Variants in SLC47A1 observed in about 807,000 individuals in gnomAD.
SLC47A1 encodes multidrug and toxin extrusion protein 1.
Under a neutral mutation model 65.8 loss-of-function variants are expected in SLC47A1, and 58 were observed. The ratio of observed to expected loss-of-function variants is 0.88; its 90% CI spans 0.71 to 1.10. The LOEUF is 1.10. Ranked by LOEUF, SLC47A1 falls within the 50% of genes least tolerant of loss-of-function variation. The pLI is 0.00. For synonymous variants in SLC47A1, 285 were observed against 295.0 expected, an observed-to-expected ratio of 0.97 and a Z score of 0.35; for missense variants, 706 against 719.2, an observed-to-expected ratio of 0.98 and a Z score of 0.21.
chr17:19,572,717 G>A, intron 15 of SLC47A1, 63 bp from the exon 16 acceptor site: 1 of 1,477,584 alleles, frequency 6.8e-7, no homozygotes, highest in Non-Finnish European at 9.5e-7. Context: ...TAAACTAGGT[G>A]GTCAAGTAAA....
intron 5 of SLC47A1, 34 bp from the exon 6 acceptor site, chr17:19,551,390 A>G (rs1283284047): frequency 3.2e-6 from 5 of 1,573,480 alleles, no homozygotes; most frequent in Non-Finnish European, 4.4e-6. Flanking sequence ...GCAAGGCTGA[A>G]ACATTAACAT....
At chr17:19,541,757 T>G (rs1597493792) in intron 1 of SLC47A1, among the ~76,000 whole-genome samples, 1 of 152,186 alleles carries the variant, frequency 6.6e-6, no homozygotes, top group South Asian at 2.1e-4. Flanking sequence ...AACAAGGGGG[T>G]TATCCCAGAA....
At chr17:19,559,885 C>G (rs932561899) in intron 10 of SLC47A1, among the ~76,000 whole-genome samples, 13 of 152,020 alleles carry the variant, frequency 8.6e-5, no homozygotes, top group Non-Finnish European at 1.6e-4. Context: ...AACCTGGGCT[C>G]CTGGTGAGTC....
At chr17:19,565,417 C>T (rs1055101883) in intron 12 of SLC47A1, among the ~76,000 whole-genome samples, 3 of 151,998 alleles carry the variant, frequency 2.0e-5, no homozygotes, top group Non-Finnish European at 4.4e-5. Flanking sequence ...GCCACTGTGC[C>T]CAGCCAAACT....
At chr17:19,539,178 T>C (rs898250019) in intron 1 of SLC47A1, among the ~76,000 whole-genome samples, 3 of 152,232 alleles carry the variant, frequency 2.0e-5, no homozygotes, top group Admixed American at 2.0e-4. Context: ...CCCCAAGTGC[T>C]GCGATTGCAG....
intron 12 of SLC47A1, among the ~76,000 whole-genome samples, chr17:19,564,128 G>T (rs1004994513): frequency 6.6e-6 from 1 of 152,174 alleles, no homozygotes; most frequent in Non-Finnish European, 1.5e-5. Flanking sequence ...TGAGGCAAAA[G>T]GATCACTTGA....
intron 1 of SLC47A1, among the ~76,000 whole-genome samples, chr17:19,536,023 GT>G: frequency 6.6e-6 from 1 of 152,130 alleles, no homozygotes; most frequent in East Asian, 1.9e-4. Flanking sequence ...CTGGAGTGCA[GT>G]GGTGTGATCA....
At chr17:19,575,131 T>A (rs1404248051) in intron 16 of SLC47A1, among the ~76,000 whole-genome samples, 4 of 140,986 alleles carry the variant, frequency 2.8e-5, no homozygotes, top group African/African-American at 7.7e-5. Context: ...AGTGCAGTGG[T>A]GCGATCAAGG....
Position 19,570,406 on chromosome 17 carries a change from G to C in SLC47A1, c.1310-1072G>C, listed in dbSNP as rs543956804. On this transcript the variant is annotated intron_variant, in intron 14 of 16. Transcript: ENST00000270570. Reference sequence around the variant, plus strand: ...AGCGTCACAGTGGATAAAAGGGGAGGCTGCAGGTGTGTCCTGAGTGGAGAT... The same window carrying C: ...AGCGTCACAGTGGATAAAAGGGGAGCCTGCAGGTGTGTCCTGAGTGGAGAT... Among the ~76,000 whole-genome samples, 5 of 152,338 alleles carry C rather than the reference G, an allele frequency of 3.3e-5. No individual in the cohort carries two copies. In the South Asian group the frequency reaches 6.2e-4, roughly 19 times the overall value.
chr17:19,556,314 A>G (rs1043073152), intron 10 of SLC47A1, among the ~76,000 whole-genome samples: 1 of 152,132 alleles, frequency 6.6e-6, no homozygotes, highest in East Asian at 1.9e-4. Flanking sequence ...TCCCAGCTGA[A>G]TCTTCCCTTG....
In SLC47A1 at chr17:19,552,080, G is replaced by A. The variant is rs190359116; in HGVS notation, c.543+612G>A. 1.2e-4 allele frequency among the ~76,000 whole-genome samples: 18 copies of A among 152,334 alleles called. No homozygotes were observed. In the East Asian group the frequency reaches 2.1e-3, roughly 18 times the overall value. ...TAAGTCCAGGTAAACAGGGGTACTC[G>A]GCAATGGATCCCGGCCACACTGGCG... On this transcript the variant is annotated intron_variant, in intron 6 of 16. Transcript: ENST00000270570.
intron 5 of SLC47A1, among the ~76,000 whole-genome samples, chr17:19,550,579 G>A (rs1218197693): frequency 6.6e-6 from 1 of 152,184 alleles, no homozygotes; most frequent in African/African-American, 2.4e-5. Flanking sequence ...GCCTCCCGAA[G>A]TGTTGGGTTG....
At chr17:19,549,578 C>A in intron 4 of SLC47A1, 57 bp from the exon 5 acceptor site, 5 of 1,549,792 alleles carry the variant, frequency 3.2e-6, no homozygotes, top group Non-Finnish European at 3.6e-6. Context: ...CCTAACTTTC[C>A]CTGGAAACAG....
chr17:19,546,442 A>G lies in SLC47A1; in HGVS notation c.245A>G (p.Asn82Ser), dbSNP rs1916293583. 1.9e-6 allele frequency: 3 copies of G among 1,613,730 alleles called. No individual in the cohort carries two copies. The highest frequency in any genetic ancestry group is 1.7e-6 in the Non-Finnish European group (2 of 1,179,940). The change falls in exon 3 of 17, where the codon AAT becomes AGT. Residue 82 changes from asparagine (N) to serine (S), a missense_variant. By Grantham distance (46) the Asn-to-Ser change is conservative. Transcript: ENST00000270570. ...DAVTLAIAVI[N>S]VTGVSVGFGL... is the part of the protein sequence containing the mutation. The stretch of plus-strand genomic sequence containing the variant: ...CTTTGGGTTTATTTGCAGGTTATCA[A>G]TGTCACTGGTGTCTCAGTGGGATTC...
At position 19,560,632 on chromosome 17, in the gene SLC47A1, C is replaced by T. The variant is rs2084301751; in HGVS notation, c.1106+139C>T. The stretch of plus-strand genomic sequence containing the variant: ...CAGTAAAAAGAAAACATCTCACTCA[C>T]ACCTGTAATCCCAGCACTTTGGGAT... On this transcript the variant is annotated intron_variant, in intron 12 of 16. Coordinates refer to ENST00000270570, the MANE Select transcript of SLC47A1 (RefSeq NM_018242.3). The T allele has an allele frequency of 4.8e-6, 4 of 833,528 alleles. No individual in the cohort carries two copies. In the Admixed American group the frequency reaches 8.3e-5, roughly 17 times the overall value. 51.6% of individuals were successfully genotyped at this position (833,528 alleles called of 1,614,324 possible). A position where few individuals can be genotyped will look rare whatever the true frequency, so the allele number is the denominator to read the frequency against.
At chr17:19,565,249 A>G (rs1298320395) in intron 12 of SLC47A1, among the ~76,000 whole-genome samples, 2 of 152,172 alleles carry the variant, frequency 1.3e-5, no homozygotes, top group East Asian at 1.9e-4. Flanking sequence ...GAATATATCT[A>G]TGGCCTTTAC....
Position 19,577,449 on chromosome 17 carries a change from T to C in SLC47A1, c.1609T>C (p.Leu537=), listed in dbSNP as rs1203119551. Residue 537 remains leucine (L), a synonymous_variant, in exon 17 of 17, where the codon TTG becomes CTG. Coordinates refer to ENST00000270570, the MANE Select transcript of SLC47A1 (RefSeq NM_018242.3). The stretch of plus-strand genomic sequence containing the variant: ...GGAACATCCACAGGACGGCGCTAAA[T>C]TGTCCAGGAAACAGCTGGTGCTGCG... ...LPEHPQDGAK[L]SRKQLVLRRG... 1 of 1,614,120 alleles carries C rather than the reference T, an allele frequency of 6.2e-7. No homozygotes were observed.
chr17:19,574,631 G>C (rs544978282), intron 16 of SLC47A1, among the ~76,000 whole-genome samples: 28 of 152,218 alleles, frequency 1.8e-4, no homozygotes, highest in African/African-American at 6.7e-4. Flanking sequence ...CATAACAATA[G>C]CACTTATCCC....
intron 14 of SLC47A1, 132 bp from the exon 15 acceptor site, chr17:19,571,346 G>T: frequency 1.4e-6 from 1 of 712,236 alleles, no homozygotes; most frequent in South Asian, 2.0e-5. Flanking sequence ...TCTCTGGCCC[G>T]CTGTGGGCTC....
Sources: allele counts gnomAD v4.1 joint callset (sites outside exome capture counted in the v4.1 genomes callset), GRCh38; gene constraint gnomAD v4.1.1; transcripts MANE v1.5; gene names NCBI Gene and HGNC (gene_info 2026-07-23, HGNC 2026-07-21).